ANKRD36C: variants seen among roughly 807,000 people sequenced by gnomAD.
ANKRD36C encodes the protein ankyrin repeat domain 36C.
A neutral mutation model predicts 276.4 loss-of-function variants in ANKRD36C; 61 were observed. That is an observed-to-expected ratio of 0.22 (90% CI 0.18 to 0.27). ANKRD36C has a LOEUF of 0.27. Ranked by LOEUF, ANKRD36C falls within the 10% of genes least tolerant of loss-of-function variation. The pLI is 1.00. For missense variants in ANKRD36C, 1,447 were observed against 2,032.3 expected (o/e 0.71, Z 5.54); for synonymous variants, 483 against 680.1 (o/e 0.71, Z 4.51).
chr2:95,879,687 C>A (rs557335244), intron 58 of ANKRD36C, among the ~76,000 whole-genome samples: 8 of 152,136 alleles, frequency 5.3e-5, no homozygotes, highest in South Asian at 2.1e-4. Flanking sequence ...TGACCAGAAC[C>A]AATAAAAGTT....
chr2:95,934,027 G>C (rs1677645502), intron 24 of ANKRD36C, among the ~76,000 whole-genome samples: 1 of 152,290 alleles, frequency 6.6e-6, no homozygotes, highest in Non-Finnish European at 1.5e-5. Flanking sequence ...GATCATTAGA[G>C]AAATGCAAAT....
intron 40 of ANKRD36C, among the ~76,000 whole-genome samples, chr2:95,912,814 C>T (rs1676974317): frequency 1.3e-5 from 2 of 151,354 alleles, no homozygotes; most frequent in Admixed American, 1.3e-4. Flanking sequence ...GTCTTTCATG[C>T]AACAAATCAA....
rs1181841279 is a variant in ANKRD36C at position 95,902,148 on chromosome 2, T to A, written c.2654-2812A>T. On this transcript the variant is annotated intron_variant, in intron 42 of 66. Transcript: ENST00000456556. Reference sequence around the variant, plus strand: ...GTAGCTCCTTGAACAGGGAAGCAAATTTATTCATATTCAAGATTATCTCAT... The same window carrying A: ...GTAGCTCCTTGAACAGGGAAGCAAAATTATTCATATTCAAGATTATCTCAT... 6.7e-5 allele frequency among the ~76,000 whole-genome samples: 10 copies of A among 149,882 alleles called. 1 individual carries two copies. Among genetic ancestry groups the A allele is most frequent in the Non-Finnish European group, 8.9e-5 (6 of 67,138 alleles).
At chr2:95,879,396 C>T (rs930335849) in intron 58 of ANKRD36C, among the ~76,000 whole-genome samples, 8 of 151,732 alleles carry the variant, frequency 5.3e-5, no homozygotes, top group Non-Finnish European at 8.8e-5. Flanking sequence ...AGCACAAAAA[C>T]ATGACTACAG....
intron 30 of ANKRD36C, 121 bp from the exon 31 acceptor site, chr2:95,923,810 T>C: frequency 7.0e-7 from 1 of 1,423,440 alleles, no homozygotes. Context: ...GCTTTGATTT[T>C]TGTGTCTGGG....
chr2:95,890,458 G>A (rs1326616309), intron 46 of ANKRD36C, among the ~76,000 whole-genome samples: 3 of 151,398 alleles, frequency 2.0e-5, no homozygotes, highest in Admixed American at 6.6e-5. Context: ...ACAGAATTAC[G>A]ACATTTCAGT....
intron 6 of ANKRD36C, among the ~76,000 whole-genome samples, chr2:95,970,568 A>G (rs1253265468): frequency 6.6e-6 from 1 of 152,030 alleles, no homozygotes. Flanking sequence ...TGGGAAAAAC[A>G]ACAACAACAA....
At position 95,973,298 on chromosome 2, in the gene ANKRD36C, A is replaced by G. The variant is rs187283811; in HGVS notation, c.799+4824T>C. 9.8e-4 allele frequency among the ~76,000 whole-genome samples: 149 copies of G among 151,914 alleles called. 1 individual carries two copies. The highest frequency in any genetic ancestry group is 2.7e-3 in the South Asian group (13 of 4,806). The stretch of plus-strand genomic sequence containing the variant: ...GTGGTGGTGCATGCCTGTAGTCCCA[A>G]CTACTTGGGAGGCTGAGGCAGGAGA... On this transcript the variant is annotated intron_variant, in intron 6 of 66. Coordinates refer to ENST00000456556, the Ensembl canonical transcript of ANKRD36C.
intron 58 of ANKRD36C, among the ~76,000 whole-genome samples, chr2:95,879,726 C>T (rs560739529): frequency 1.3e-5 from 2 of 151,966 alleles, no homozygotes; most frequent in Non-Finnish European, 2.9e-5. Context: ...CAAAATAAAA[C>T]ATTTCATTAG....
chr2:95,938,136 A>C (rs1391137508), intron 22 of ANKRD36C, among the ~76,000 whole-genome samples: 1 of 152,278 alleles, frequency 6.6e-6, no homozygotes, highest in East Asian at 1.9e-4. Context: ...TTACCTATGA[A>C]AGTGCAAGTA....
At chr2:95,892,603 A>G (rs1037225519) in intron 44 of ANKRD36C, among the ~76,000 whole-genome samples, 5 of 151,578 alleles carry the variant, frequency 3.3e-5, no homozygotes, top group African/African-American at 1.2e-4. Context: ...AGCTGCTACA[A>G]GCATTAGATA....
chr2:95,977,887 T>C (rs1678845719), intron 6 of ANKRD36C, among the ~76,000 whole-genome samples: 1 of 152,084 alleles, frequency 6.6e-6, no homozygotes, highest in Non-Finnish European at 1.5e-5. Flanking sequence ...AAAAAGATCA[T>C]CTAGAATATT....
intron 44 of ANKRD36C, among the ~76,000 whole-genome samples, chr2:95,897,744 G>T (rs1237119463): frequency 1.3e-5 from 2 of 148,452 alleles, no homozygotes; most frequent in Admixed American, 1.3e-4. Context: ...TGGATATGCC[G>T]AGTGATGAGG....
chr2:95,892,769 C>T (rs1425461183), intron 44 of ANKRD36C, among the ~76,000 whole-genome samples: 2 of 151,142 alleles, frequency 1.3e-5, no homozygotes, highest in Non-Finnish European at 3.0e-5. Context: ...GCTATTGTAT[C>T]CAAGAGGTAG....
rs545929141 is a variant in ANKRD36C at position 95,949,412 on chromosome 2, A to G, written c.1296-816T>C. Among the ~76,000 whole-genome samples, 11 of 152,184 alleles carry G rather than the reference A, an allele frequency of 7.2e-5. No individual in the cohort carries two copies. The South Asian group carries it at 2.3e-3, about 32-fold the overall frequency. On this transcript the variant is annotated intron_variant, in intron 16 of 66. Coordinates refer to ENST00000456556, the Ensembl canonical transcript of ANKRD36C. ...TACTTAGAGCTTCATTTCATTCATC[A>G]CTATCTAAATATCTTCCTTCCTATG...
chr2:95,880,280 A>C lies in ANKRD36C; in HGVS notation c.3469+147T>G, dbSNP rs960388148. ...ATGCATGTAAATCTCATTTTTGAAA[A>C]TATAAAAATGATAACAGCTGCATTA... On this transcript the variant is annotated intron_variant, in intron 58 of 66. Coordinates refer to ENST00000456556, the Ensembl canonical transcript of ANKRD36C. The C allele has an allele frequency of 1.2e-5, 13 of 1,070,712 alleles. No individual in the cohort carries two copies. The African/African-American group carries it at 2.1e-4, about 17-fold the overall frequency. The allele number at this position is 1,070,712 out of a possible 1,614,324, so 66.3% of individuals were successfully genotyped here.
chr2:95,966,999 G>A (rs1047518584), intron 6 of ANKRD36C, among the ~76,000 whole-genome samples: 2 of 152,142 alleles, frequency 1.3e-5, no homozygotes, highest in Non-Finnish European at 2.9e-5. Context: ...TTTGCACATT[G>A]ACTTTGTATC....
intron 59 of ANKRD36C, among the ~76,000 whole-genome samples, chr2:95,875,101 C>A (rs1675913442): frequency 6.6e-6 from 1 of 152,182 alleles, no homozygotes; most frequent in Non-Finnish European, 1.5e-5. Context: ...ACTAGTTCAA[C>A]CATTGTGGAA....
At chr2:95,925,576 T>A (rs1677381257) in intron 28 of ANKRD36C, 29 bp from the exon 29 acceptor site, 1 of 1,532,210 alleles carries the variant, frequency 6.5e-7, no homozygotes, top group Non-Finnish European at 8.8e-7. Context: ...ATATAATTCA[T>A]CATATGTAAA....
Sources: gnomAD v4.1 joint callset for allele counts (sites outside exome capture counted in the v4.1 genomes callset) on GRCh38, gnomAD v4.1.1 for gene constraint, MANE v1.5 for transcripts, NCBI Gene and HGNC (gene_info 2026-07-23, HGNC 2026-07-21) for gene names.